Variants in TNR observed in about 807,000 individuals in gnomAD.
The protein encoded by TNR is tenascin-R.
A neutral mutation model predicts 150.4 loss-of-function variants in TNR; 45 were observed. The observed-to-expected ratio is 0.30, with a 90% CI of 0.24 to 0.38. The LOEUF (loss-of-function observed/expected upper bound fraction) is 0.38, where lower values mean the gene tolerates loss of function less well. Among genes scored for constraint, TNR ranks in the 10% least tolerant of loss-of-function variants. The pLI is 1.00. For synonymous variants in TNR, 687 were observed against 678.4 expected (o/e 1.01, Z -0.20); for missense variants, 1,544 against 1,759.1 (o/e 0.88, Z 2.19).
At chr1:175,564,951 C>A (rs1392071116) in intron 1 of TNR, among the ~76,000 whole-genome samples, 1 of 152,216 alleles carries the variant, frequency 6.6e-6, no homozygotes, top group Non-Finnish European at 1.5e-5. Context: ...AAATCTATCT[C>A]CTCTTTATCT....
intron 1 of TNR, among the ~76,000 whole-genome samples, chr1:175,592,255 GTTA>G (rs1199072978): frequency 6.6e-6 from 1 of 152,180 alleles, no homozygotes; most frequent in Non-Finnish European, 1.5e-5. Context: ...AACTCGGGTG[GTTA>G]TTATCACGTT....
chr1:175,655,453 T>C (rs756454007), intron 1 of TNR, among the ~76,000 whole-genome samples: 20 of 152,212 alleles, frequency 1.3e-4, no homozygotes, highest in Non-Finnish European at 2.9e-5. Flanking sequence ...CTGTATACTG[T>C]CACTTAGGTA....
intron 19 of TNR, among the ~76,000 whole-genome samples, chr1:175,336,170 G>A (rs1164429775): frequency 6.6e-6 from 1 of 152,258 alleles, no homozygotes; most frequent in Non-Finnish European, 1.5e-5. Flanking sequence ...ACAGAGTGCA[G>A]TAGAAAGCAT....
chr1:175,535,296 A>G (rs1326958534), intron 1 of TNR, among the ~76,000 whole-genome samples: 1 of 152,246 alleles, frequency 6.6e-6, no homozygotes, highest in African/African-American at 2.4e-5. Flanking sequence ...CAGCAGATTC[A>G]GTGCATGAAA....
intron 1 of TNR, among the ~76,000 whole-genome samples, chr1:175,657,376 T>C (rs993208680): frequency 1.3e-4 from 20 of 152,252 alleles, no homozygotes; most frequent in Non-Finnish European, 2.1e-4. Context: ...TCCTCAGGGA[T>C]CTAGAACTAG....
At chr1:175,496,859 G>C (rs1321927988) in intron 2 of TNR, among the ~76,000 whole-genome samples, 1 of 152,184 alleles carries the variant, frequency 6.6e-6, no homozygotes, top group African/African-American at 2.4e-5. Flanking sequence ...TAACAACCCT[G>C]TGAGGGAGGT....
rs1571371046 is a variant in TNR at position 175,387,036 on chromosome 1, T to G, written c.1508-735A>C. ...CAGGTTCTCTAGTGTATTTCCCTCA[T>G]AAGCCCTGGCCCCTGGCACTGTGCA... On this transcript the variant is annotated intron_variant, in intron 7 of 22. Coordinates refer to ENST00000367674, the MANE Select transcript of TNR (RefSeq NM_003285.3). 5.9e-5 allele frequency among the ~76,000 whole-genome samples: 9 copies of G among 152,338 alleles called. 1 individual carries two copies. In the South Asian group the frequency reaches 1.9e-3, roughly 32 times the overall value.
Position 175,353,263 on chromosome 1 carries a change from T to C in TNR, c.3382+1128A>G, listed in dbSNP as rs1213046298. 2.0e-5 allele frequency among the ~76,000 whole-genome samples: 3 copies of C among 152,338 alleles called. No homozygotes were observed. In the East Asian group the frequency reaches 5.8e-4, roughly 29 times the overall value. On this transcript the variant is annotated intron_variant, in intron 18 of 22. Transcript: ENST00000367674. ...GATCTTGGGTGAGTTACCTCACCTC[T>C]CTGTGGCCCAATTTCCTCATTTGTA... is the stretch of plus-strand genomic sequence containing the variant.
chr1:175,620,575 G>A lies in TNR; in HGVS notation c.-164-92206C>T, dbSNP rs537513042. Among the ~76,000 whole-genome samples the A allele has an allele frequency of 2.0e-5, 3 of 152,316 alleles. No homozygotes were observed. In the East Asian group the frequency reaches 5.8e-4, roughly 29 times the overall value. ...GAACACAGCCCAAAGGCTGGCAGCAGGAGGCAGAGAGAAAAGAAGCAGAGG... is the reference window on the plus strand; with the variant it reads ...GAACACAGCCCAAAGGCTGGCAGCAAGAGGCAGAGAGAAAAGAAGCAGAGG... On this transcript the variant is annotated intron_variant, in intron 1 of 22. Coordinates refer to ENST00000367674, the MANE Select transcript of TNR (RefSeq NM_003285.3).
chr1:175,643,861 A>G (rs939402625), intron 1 of TNR, among the ~76,000 whole-genome samples: 27 of 152,224 alleles, frequency 1.8e-4, no homozygotes, highest in African/African-American at 6.3e-4. Context: ...ATGTTATAAG[A>G]CAACAACCAG....
chr1:175,569,232 G>A (rs181612083), intron 1 of TNR, among the ~76,000 whole-genome samples: 2 of 152,330 alleles, frequency 1.3e-5, no homozygotes, highest in African/African-American at 2.4e-5. Flanking sequence ...GTTGAACACA[G>A]GAGATAAAGA....
At position 175,567,249 on chromosome 1, in the gene TNR, A is replaced by G. The variant is rs12077022; in HGVS notation, c.-164-38880T>C. Among the ~76,000 whole-genome samples the G allele has an allele frequency of 5.9e-3, 892 of 152,292 alleles. 12 individuals are homozygous for G. The highest frequency in any genetic ancestry group is 0.02 in the African/African-American group (828 of 41,544). ...TCCTATGAGAAAAGAAGAGCCTGGGATGTATGCATTGGAAAAGGAAAGGTG... is the reference window on the plus strand; with the variant it reads ...TCCTATGAGAAAAGAAGAGCCTGGGGTGTATGCATTGGAAAAGGAAAGGTG... On this transcript the variant is annotated intron_variant, in intron 1 of 22. Coordinates refer to ENST00000367674, the MANE Select transcript of TNR (RefSeq NM_003285.3).
At chr1:175,702,494 C>G (rs956459023) in intron 1 of TNR, among the ~76,000 whole-genome samples, 4 of 152,194 alleles carry the variant, frequency 2.6e-5, no homozygotes, top group Non-Finnish European at 5.9e-5. Context: ...CTGGACCCAG[C>G]CTCTTGCTGG....
At chr1:175,523,516 A>G (rs929382626) in intron 2 of TNR, among the ~76,000 whole-genome samples, 4 of 152,260 alleles carry the variant, frequency 2.6e-5, no homozygotes, top group East Asian at 1.9e-4. Context: ...TGATTGCAAT[A>G]CAAGTTGAAT....
At chr1:175,502,368 C>T (rs1465133105) in intron 2 of TNR, among the ~76,000 whole-genome samples, 1 of 152,210 alleles carries the variant, frequency 6.6e-6, no homozygotes, top group Non-Finnish European at 1.5e-5. Context: ...AAAATCATAG[C>T]TGTGGCCCTC....
chr1:175,362,418 T>C (rs1466546631), intron 14 of TNR, among the ~76,000 whole-genome samples: 2 of 152,236 alleles, frequency 1.3e-5, no homozygotes, highest in Non-Finnish European at 2.9e-5. Flanking sequence ...ACTGTTTATG[T>C]TGGAAGTTCC....
At chr1:175,541,113 C>T (rs1458346592) in intron 1 of TNR, among the ~76,000 whole-genome samples, 1 of 152,196 alleles carries the variant, frequency 6.6e-6, no homozygotes, top group Non-Finnish European at 1.5e-5. Flanking sequence ...CCAGAATTCA[C>T]CTCCTCCGAG....
chr1:175,446,337 A>G (rs1466313971), intron 2 of TNR, among the ~76,000 whole-genome samples: 1 of 152,182 alleles, frequency 6.6e-6, no homozygotes, highest in Non-Finnish European at 1.5e-5. Flanking sequence ...GGGCTCTGTC[A>G]CATCTTCCTT....
intron 2 of TNR, among the ~76,000 whole-genome samples, chr1:175,448,337 G>A (rs547115683): frequency 3.1e-4 from 47 of 152,150 alleles, no homozygotes; most frequent in African/African-American, 1.1e-3. Flanking sequence ...CCTGTCTCCC[G>A]AGTAGCTGGG....
Sources: gnomAD v4.1 joint callset for allele counts (sites outside exome capture counted in the v4.1 genomes callset) on GRCh38, gnomAD v4.1.1 for gene constraint, MANE v1.5 for transcripts, NCBI Gene and HGNC (gene_info 2026-07-23, HGNC 2026-07-21) for gene names.